The following TET2 variants were observed in gnomAD, a reference collection of about 807,000 sequenced individuals.
The protein encoded by TET2 is methylcytosine dioxygenase TET2.
A neutral mutation model predicts 142.9 loss-of-function variants in TET2; 299 were observed. The observed-to-expected ratio is 2.09, with a 90% CI of 1.90 to 2.30. TET2 has a LOEUF of 2.30. TET2 is among the 30% of genes most tolerant of loss of function. The pLI is 0.00. For missense variants in TET2, 2,418 were observed against 2,378.0 expected, an observed-to-expected ratio of 1.02 and a Z score of -0.35; for synonymous variants, 819 against 849.0, an observed-to-expected ratio of 0.96 and a Z score of 0.61.
At chr4:105,233,105 G>A (rs1351873561) in intron 2 of TET2, among the ~76,000 whole-genome samples, 1 of 151,784 alleles carries the variant, frequency 6.6e-6, no homozygotes, top group Non-Finnish European at 1.5e-5. Context: ...TACTGCAGGT[G>A]GGGTGCGGTG....
intron 2 of TET2, chr4:105,202,635 A>C (rs912776735): frequency 1.3e-5 from 2 of 152,168 alleles, no homozygotes; most frequent in Non-Finnish European, 1.5e-5. Flanking sequence ...AAAGGCAGTC[A>C]TTTTTTGGTC....
intron 1 of TET2, among the ~76,000 whole-genome samples, chr4:105,182,483 G>C (rs959375362): frequency 1.3e-5 from 2 of 152,172 alleles, no homozygotes; most frequent in African/African-American, 4.8e-5. Flanking sequence ...GTCGTAACTT[G>C]ATGTTTACTA....
intron 1 of TET2, among the ~76,000 whole-genome samples, chr4:105,184,466 A>G (rs1343800904): frequency 1.3e-5 from 2 of 152,216 alleles, no homozygotes; most frequent in Admixed American, 6.5e-5. Context: ...CATATGGTGT[A>G]TGCTTGTTTT....
rs1209066801 is a variant in TET2, at chr4:105,278,020, A to G, written c.*1501A>G. On this transcript the variant is annotated 3_prime_UTR_variant, in exon 11 of 11. Transcript: ENST00000380013. ...CATGTGAATCTGTCAGTTAAAAAGA[A>G]ACAAAAACAGGCAGCTGGTTTGCTG... 4.6e-6 allele frequency: 1 copy of G among 215,386 alleles called. No homozygotes were observed. The highest frequency in any genetic ancestry group is 9.3e-6 in the Non-Finnish European group (1 of 107,004). The allele number at this position is 215,386 out of a possible 1,614,324, so 13.3% of individuals were successfully genotyped here.
At position 105,235,006 on chromosome 4, in the gene TET2, G is replaced by T; in HGVS notation, c.1064G>T (p.Gly355Val). The change falls in exon 3 of 11, where the codon GGT (glycine) becomes GTT (valine). Residue 355 changes from glycine (G) to valine (V), a missense_variant. Physicochemically the swap from Gly to Val is moderately radical, Grantham distance 109. Transcript: ENST00000380013. ...GCGTCTGGTGAAGAATTCTGTTCAGGTTCCAGCAGCAATTTGCAAGCTCCT... is the reference window on the plus strand; with the variant it reads ...GCGTCTGGTGAAGAATTCTGTTCAGTTTCCAGCAGCAATTTGCAAGCTCCT... The part of the protein sequence containing the change: ...KLASGEEFCS[G>V]SSSNLQAPGG... The T allele has an allele frequency of 1.2e-6, 2 of 1,614,066 alleles. No homozygotes were observed. Among genetic ancestry groups the T allele is most frequent in the Non-Finnish European group, 1.7e-6 (2 of 1,180,004 alleles).
At chr4:105,240,547 C>T (rs1729236906) in intron 3 of TET2, 2 of 1,078,992 alleles carry the variant, frequency 1.9e-6, no homozygotes, top group Middle Eastern at 4.1e-4. Flanking sequence ...AATGAGATAC[C>T]CCACACTGTG....
rs142484030 is a variant in TET2, at chr4:105,216,801, G to C, written c.-46-17096G>C. 4.6e-3 allele frequency among the ~76,000 whole-genome samples: 699 copies of C among 152,064 alleles called. 4 individuals carry two copies. The highest frequency in any genetic ancestry group is 0.016 in the African/African-American group (653 of 41,530). On this transcript the variant is annotated intron_variant, in intron 2 of 10. Transcript: ENST00000380013. ...TCTTTTAGCGGATTTAGTTATAATC[G>C]TGATAACAGATGTATAGCTAAGTCT...
chr4:105,188,644 A>G (rs951428791), intron 1 of TET2, among the ~76,000 whole-genome samples: 1 of 152,254 alleles, frequency 6.6e-6, no homozygotes, highest in African/African-American at 2.4e-5. Flanking sequence ...GAAACATGGC[A>G]TATCAAAACA....
chr4:105,203,898 T>G (rs1011100129), intron 2 of TET2, among the ~76,000 whole-genome samples: 2 of 152,130 alleles, frequency 1.3e-5, no homozygotes, highest in African/African-American at 2.4e-5. Flanking sequence ...AAGGATGTTA[T>G]GTATAATCTA....
chr4:105,190,672 G>A, intron 2 of TET2, 167 bp downstream of exon 2: 1 of 548,894 alleles, frequency 1.8e-6, no homozygotes, highest in Non-Finnish European at 3.2e-6. Flanking sequence ...TAAGATTTGT[G>A]AATTTACTAA....
At chr4:105,216,161 A>G (rs1440934311) in intron 2 of TET2, among the ~76,000 whole-genome samples, 2 of 152,166 alleles carry the variant, frequency 1.3e-5, no homozygotes, top group African/African-American at 2.4e-5. Context: ...GAGTTTGGCT[A>G]GTATTTCTGG....
intron 1 of TET2, 80 bp from the exon 2 acceptor site, chr4:105,190,280 C>A: frequency 1.9e-6 from 1 of 523,918 alleles, no homozygotes; most frequent in Non-Finnish European, 3.4e-6. Context: ...TATCCAAAAC[C>A]TTTTAAACTC....
intron 1 of TET2, among the ~76,000 whole-genome samples, chr4:105,164,353 T>G (rs1724042404): frequency 6.6e-6 from 1 of 152,206 alleles, no homozygotes; most frequent in Non-Finnish European, 1.5e-5. Context: ...CAGGTTGCCT[T>G]AGCATTTGTG....
chr4:105,173,308 A>G (rs1724580383), intron 1 of TET2, among the ~76,000 whole-genome samples: 1 of 149,692 alleles, frequency 6.7e-6, no homozygotes, highest in South Asian at 2.2e-4. Context: ...TCACGAGCTC[A>G]GGAGTTTGAG....
At chr4:105,222,413 G>A (rs1727892234) in intron 2 of TET2, among the ~76,000 whole-genome samples, 1 of 152,216 alleles carries the variant, frequency 6.6e-6, no homozygotes, top group Admixed American at 6.5e-5. Flanking sequence ...CATTCTAACT[G>A]GTGTGAGATG....
At position 105,168,465 on chromosome 4, in the gene TET2, C is replaced by G. The variant is rs553597557; in HGVS notation, c.-193+21486C>G. Among the ~76,000 whole-genome samples, 7 of 152,222 alleles carry G rather than the reference C, an allele frequency of 4.6e-5. 1 individual carries two copies. In the South Asian group the frequency reaches 1.2e-3, roughly 27 times the overall value. ...CTTCAGAGAGCCACAGGTATTGTTTCTATCTTTCCTTCTAATCTCTCCTTG... is the reference window on the plus strand; with the variant it reads ...CTTCAGAGAGCCACAGGTATTGTTTGTATCTTTCCTTCTAATCTCTCCTTG... On this transcript the variant is annotated intron_variant, in intron 1 of 10. Coordinates refer to ENST00000380013, the MANE Select transcript of TET2 (RefSeq NM_001127208.3).
At chr4:105,151,142 G>T (rs546181738) in intron 1 of TET2, among the ~76,000 whole-genome samples, 1 of 152,150 alleles carries the variant, frequency 6.6e-6, no homozygotes, top group African/African-American at 2.4e-5. Flanking sequence ...AACACAGTCA[G>T]GCCCCAGTCT....
chr4:105,234,819 A>G lies in TET2; in HGVS notation c.877A>G (p.Ser293Gly). 1 of 1,613,986 alleles carries G rather than the reference A, an allele frequency of 6.2e-7. No homozygotes were observed. The highest frequency in any genetic ancestry group is 8.5e-7 in the Non-Finnish European group (1 of 1,179,984). The change falls in exon 3 of 11, where the codon AGT (serine) becomes GGT (glycine). Residue 293 changes from serine to glycine, a missense_variant. Transcript: ENST00000380013. ...ELPPKPAAVV[S>G]EACDADDADN... ...GCCTCCAAAGCCAGCTGCAGTGGTG[A>G]GTGAGGCCTGTGATGCTGATGATGC...
intron 1 of TET2, among the ~76,000 whole-genome samples, chr4:105,164,100 CTG>C (rs148347714): frequency 4.6e-5 from 7 of 152,294 alleles, no homozygotes; most frequent in African/African-American, 1.7e-4. Flanking sequence ...ACAGTACTAA[CTG>C]TAGTCACCAT....
Sources: allele counts gnomAD v4.1 joint callset (sites outside exome capture counted in the v4.1 genomes callset), GRCh38; gene constraint gnomAD v4.1.1; transcripts MANE v1.5; gene names NCBI Gene and HGNC (gene_info 2026-07-23, HGNC 2026-07-21).